Variants in SPIDR observed in about 807,000 individuals in gnomAD.
The protein encoded by SPIDR is scaffold protein involved in DNA repair.
A neutral mutation model predicts 104.6 loss-of-function variants in SPIDR; 93 were observed. That is an observed-to-expected ratio of 0.89 (90% CI 0.75 to 1.06). The LOEUF is 1.06. SPIDR is among the 50% of genes least tolerant of loss of function. The probability of loss-of-function intolerance (pLI) is 0.00; values close to 1 mark genes in which losing one functional copy is unlikely to be tolerated. For missense variants in SPIDR, 1,154 were observed against 1,111.2 expected, an observed-to-expected ratio of 1.04 and a Z score of -0.55; for synonymous variants, 431 against 416.9, an observed-to-expected ratio of 1.03 and a Z score of -0.41.
At chr8:47,303,965 C>G (rs1554580028) in intron 5 of SPIDR, among the ~76,000 whole-genome samples, 1 of 152,166 alleles carries the variant, frequency 6.6e-6, no homozygotes, top group Non-Finnish European at 1.5e-5. Flanking sequence ...GTGTGAGCCA[C>G]TGCACCTGGC....
chr8:47,463,343 A>G (rs1586132759), intron 8 of SPIDR, among the ~76,000 whole-genome samples: 3 of 151,948 alleles, frequency 2.0e-5, no homozygotes, highest in Admixed American at 2.0e-4. Flanking sequence ...CCTGGGTGAC[A>G]GAGCAAGACT....
At chr8:47,391,995 C>CAAAA (rs556134389) in intron 5 of SPIDR, among the ~76,000 whole-genome samples, 3 of 46,218 alleles carry the variant, frequency 6.5e-5, no homozygotes, top group Non-Finnish European at 1.0e-4. Flanking sequence ...GACTCCGTCT[C>CAAAA]AAAAAAAAAA....
chr8:47,345,769 CTT>C, intron 5 of SPIDR, among the ~76,000 whole-genome samples: 1 of 151,650 alleles, frequency 6.6e-6, no homozygotes, highest in Non-Finnish European at 1.5e-5. Context: ...CTGTTTGTCT[CTT>C]ATTGGTGTAT....
At chr8:47,616,540 A>G (rs1382448741) in intron 10 of SPIDR, among the ~76,000 whole-genome samples, 4 of 152,252 alleles carry the variant, frequency 2.6e-5, no homozygotes, top group African/African-American at 9.6e-5. Context: ...TCATCAGGAT[A>G]TAGAACCAGT....
intron 11 of SPIDR, among the ~76,000 whole-genome samples, chr8:47,682,278 C>T (rs62539146): frequency 7.7e-5 from 11 of 142,536 alleles, no homozygotes; most frequent in Admixed American, 6.3e-4. Flanking sequence ...AAAAAAAACC[C>T]AGACACAAAA....
At chr8:47,591,873 G>C (rs1253425383) in intron 8 of SPIDR, among the ~76,000 whole-genome samples, 4 of 151,998 alleles carry the variant, frequency 2.6e-5, no homozygotes, top group Non-Finnish European at 5.9e-5. Context: ...AACCAGGATG[G>C]GGGAAGTAAA....
chr8:47,702,148 T>C, intron 14 of SPIDR, 133 bp downstream of exon 14: 1 of 1,031,450 alleles, frequency 9.7e-7, no homozygotes, highest in East Asian at 2.6e-5. Context: ...GTGTTAGAGG[T>C]TTATTAAAGG....
In SPIDR at chr8:47,735,305, A is replaced by C; in HGVS notation, c.2605-2A>C. 6.2e-7 allele frequency: 1 copy of C among 1,613,938 alleles called. No homozygotes were observed. Among genetic ancestry groups the C allele is most frequent in the Non-Finnish European group, 8.5e-7 (1 of 1,179,920 alleles). ...TAACCAGCGTGCCTTTTATCACTGC[A>C]GAGCTACGAAGTGAAGAGTGTCCTC... On this transcript the variant is annotated splice_acceptor_variant, in intron 19 of 19. Coordinates refer to ENST00000297423, the MANE Select transcript of SPIDR (RefSeq NM_001080394.4). LOFTEE classifies it high-confidence loss of function.
intron 8 of SPIDR, among the ~76,000 whole-genome samples, chr8:47,586,099 G>A (rs1418786202): frequency 6.6e-6 from 1 of 152,112 alleles, no homozygotes; most frequent in East Asian, 1.9e-4. Flanking sequence ...AGTATTCCAT[G>A]ATATGGATTT....
At chr8:47,589,902 T>G (rs1203903440) in intron 8 of SPIDR, among the ~76,000 whole-genome samples, 1 of 152,180 alleles carries the variant, frequency 6.6e-6, no homozygotes, top group Non-Finnish European at 1.5e-5. Context: ...GTACGGTGAC[T>G]CACCCCTGTA....
At chr8:47,592,089 G>C in intron 8 of SPIDR, 1 of 1,245,404 alleles carries the variant, frequency 8.0e-7, no homozygotes, top group Non-Finnish European at 1.2e-6. Flanking sequence ...CAAACAAAAA[G>C]GAGGAAGTCT....
At chr8:47,594,715 C>T (rs928965475) in intron 8 of SPIDR, among the ~76,000 whole-genome samples, 10 of 151,976 alleles carry the variant, frequency 6.6e-5, no homozygotes, top group Admixed American at 1.3e-4. Context: ...AACCCAGGGC[C>T]GGGCACAGTG....
In SPIDR at chr8:47,599,516, C is replaced by T. The variant is rs546292344; in HGVS notation, c.1544+320C>T. Among the ~76,000 whole-genome samples the T allele has an allele frequency of 1.2e-3, 180 of 152,194 alleles. 1 individual carries two copies. Among genetic ancestry groups the T allele is most frequent in the African/African-American group, 4.2e-3 (175 of 41,520 alleles). ...AAGCCAAGACATGTGGTTGTCATAC[C>T]TCAAAAGACCATTTGCAACATCCAG... On this transcript the variant is annotated intron_variant, in intron 10 of 19. Transcript: ENST00000297423.
At chr8:47,511,398 G>C (rs933943520) in intron 8 of SPIDR, 22 of 868,618 alleles carry the variant, frequency 2.5e-5, no homozygotes, top group Non-Finnish European at 4.4e-5. Context: ...AGGCTTTGAA[G>C]GCTTATTTGG....
At chr8:47,294,080 A>G (rs1399730519) in intron 5 of SPIDR, 50 bp downstream of exon 5, 1 of 1,549,442 alleles carries the variant, frequency 6.5e-7, no homozygotes, top group Non-Finnish European at 8.7e-7. Context: ...ACATTTGCTA[A>G]TCATAGTTGT....
intron 5 of SPIDR, among the ~76,000 whole-genome samples, chr8:47,340,218 TTTG>T (rs1446474481): frequency 6.6e-6 from 1 of 152,132 alleles, no homozygotes; most frequent in Non-Finnish European, 1.5e-5. Flanking sequence ...TTAGGGGCAT[TTTG>T]TCCTTTATGG....
intron 8 of SPIDR, among the ~76,000 whole-genome samples, chr8:47,513,767 G>A (rs183235917): frequency 3.7e-4 from 57 of 152,282 alleles, no homozygotes; most frequent in Middle Eastern, 3.4e-3. Context: ...GGGTGAGGGA[G>A]GAGGAGAGAC....
At chr8:47,700,620 G>A (rs903695514) in intron 12 of SPIDR, 130 bp downstream of exon 12, 2 of 857,486 alleles carry the variant, frequency 2.3e-6, no homozygotes, top group African/African-American at 3.3e-5. Flanking sequence ...CCCCCATGCA[G>A]TCAGTTCCTT....
chr8:47,533,802 C>T (rs2086439368), intron 8 of SPIDR, among the ~76,000 whole-genome samples: 1 of 152,164 alleles, frequency 6.6e-6, no homozygotes, highest in African/African-American at 2.4e-5. Flanking sequence ...AAAGGGAACC[C>T]TAATACACTG....
Sources: allele counts gnomAD v4.1 joint callset (sites outside exome capture counted in the v4.1 genomes callset), GRCh38; gene constraint gnomAD v4.1.1; transcripts MANE v1.5; gene names NCBI Gene and HGNC (gene_info 2026-07-23, HGNC 2026-07-21).